Variants in TPGS2 observed in about 807,000 individuals in gnomAD.
TPGS2 encodes the protein polyglutamylase subunit 2.
In TPGS2, 26 loss-of-function variants were observed where a neutral mutation model predicts 31.1. The ratio of observed to expected loss-of-function variants is 0.84; its 90% CI spans 0.61 to 1.16. The LOEUF is 1.16. Among genes scored for constraint, TPGS2 ranks in the 50% most tolerant of loss-of-function variants. The probability of loss-of-function intolerance (pLI) is 0.00; values close to 1 mark genes in which losing one functional copy is unlikely to be tolerated. For synonymous variants in TPGS2, 130 were observed against 136.6 expected (o/e 0.95, Z 0.34); for missense variants, 351 against 363.8 (o/e 0.96, Z 0.29).
chr18:36,815,217 A>T (rs2150655389), intron 2 of TPGS2, among the ~76,000 whole-genome samples: 1 of 152,294 alleles, frequency 6.6e-6, no homozygotes, highest in South Asian at 2.1e-4. Flanking sequence ...GGGGTGGCTT[A>T]TCAAGCCTGC....
chr18:36,792,628 T>G (rs2044354284), downstream of TPGS2, among the ~76,000 whole-genome samples: 1 of 152,208 alleles, frequency 6.6e-6, no homozygotes, highest in Non-Finnish European at 1.5e-5. Flanking sequence ...TTAAAAATCT[T>G]GATGGCTGGA....
intron 1 of TPGS2, among the ~76,000 whole-genome samples, chr18:36,819,277 C>A (rs78925692): frequency 6.6e-6 from 1 of 152,156 alleles, no homozygotes; most frequent in African/African-American, 2.4e-5. Context: ...TGATTTCACA[C>A]AGAAATTCTC....
At chr18:36,820,343 T>C (rs904709253) in intron 1 of TPGS2, among the ~76,000 whole-genome samples, 2 of 152,228 alleles carry the variant, frequency 1.3e-5, no homozygotes, top group Non-Finnish European at 2.9e-5. Flanking sequence ...GTGATGCTAC[T>C]GCAGATGTGG....
At position 36,795,179 on chromosome 18, in the gene TPGS2, T is replaced by TTGTC. The variant is rs2044470526; in HGVS notation, c.*1622_*1625dup. On this transcript the variant is annotated 3_prime_UTR_variant, in exon 7 of 7. Transcript: ENST00000334295. Reference sequence around the variant, plus strand: ...GCTTTCTCATGAATATCTATCACTATTGTCAACAATCAAAATAAACATGTT... The same window carrying TTGTC: ...GCTTTCTCATGAATATCTATCACTATTGTCTGTCAACAATCAAAATAAACATGTT... 1.0e-5 allele frequency: 10 copies of TTGTC among 985,388 alleles called. No individual in the cohort carries two copies. In the South Asian group the frequency reaches 3.8e-4, roughly 37 times the overall value. 61.0% of individuals were successfully genotyped at this position (985,388 alleles called of 1,614,324 possible). A position where few individuals can be genotyped will look rare whatever the true frequency, so the allele number is the denominator to read the frequency against.
rs188435661 is a variant in TPGS2 at position 36,811,713 on chromosome 18, T to C, written c.166-3779A>G. On this transcript the variant is annotated intron_variant, in intron 2 of 6. Coordinates refer to ENST00000334295, the MANE Select transcript of TPGS2 (RefSeq NM_015476.4). ...CTTGTGGAAAAGAAGTTAGGCAACC[T>C]TGGGAAGGCTCGACACTCTTTCTGA... 2.2e-3 allele frequency among the ~76,000 whole-genome samples: 339 copies of C among 152,324 alleles called. 2 individuals are homozygous for C. Among genetic ancestry groups the C allele is most frequent in the Non-Finnish European group, 3.6e-3 (247 of 68,028 alleles).
chr18:36,790,095 T>C (rs2044256095), downstream of TPGS2: 1 of 152,236 alleles, frequency 6.6e-6, no homozygotes, highest in Admixed American at 6.5e-5. Context: ...CACTCTTCTC[T>C]CTTGACATAT....
Position 36,795,973 on chromosome 18 carries a change from G to A in TPGS2, c.*832C>T. 1 of 985,422 alleles carries A rather than the reference G, an allele frequency of 1.0e-6. No individual in the cohort carries two copies. Among genetic ancestry groups the A allele is most frequent in the Non-Finnish European group, 1.2e-6 (1 of 829,924 alleles). 61.0% of individuals were successfully genotyped at this position (985,422 alleles called of 1,614,324 possible). A position where few individuals can be genotyped will look rare whatever the true frequency, so the allele number is the denominator to read the frequency against. The stretch of plus-strand genomic sequence containing the variant: ...TAAATGGTAAGAATAAAGTATAGCA[G>A]AAGTACACCTTCTTTAAAAAGTTAA... On this transcript the variant is annotated 3_prime_UTR_variant, in exon 7 of 7. Transcript: ENST00000334295.
At position 36,794,238 on chromosome 18, in the gene TPGS2, T is replaced by C. The variant is rs988473374; in HGVS notation, c.*2567A>G. 5 of 975,210 alleles carry C rather than the reference T, an allele frequency of 5.1e-6. No homozygotes were observed. The highest frequency in any genetic ancestry group is 1.8e-5 in the African/African-American group (1 of 57,140). The allele number at this position is 975,210 out of a possible 1,614,324, so 60.4% of individuals were successfully genotyped here. A position where few individuals can be genotyped will look rare whatever the true frequency, so the allele number is the denominator to read the frequency against. On this transcript the variant is annotated 3_prime_UTR_variant, in exon 7 of 7. Coordinates refer to ENST00000334295, the MANE Select transcript of TPGS2 (RefSeq NM_015476.4). ...CATTTTAGTACCTGTAAAGGTAATGTTTTCCTGCTGTTTGCACAAAAGCCT... is the reference window on the plus strand; with the variant it reads ...CATTTTAGTACCTGTAAAGGTAATGCTTTCCTGCTGTTTGCACAAAAGCCT...
At chr18:36,825,063 T>C (rs187533212) in intron 1 of TPGS2, among the ~76,000 whole-genome samples, 8 of 152,196 alleles carry the variant, frequency 5.3e-5, no homozygotes, top group African/African-American at 1.4e-4. Flanking sequence ...TTTCATTATT[T>C]TACATGTGGA....
intron 1 of TPGS2, among the ~76,000 whole-genome samples, chr18:36,825,585 A>G (rs982126546): frequency 5.9e-5 from 9 of 152,354 alleles, no homozygotes; most frequent in African/African-American, 2.2e-4. Context: ...GTATTAAAAT[A>G]CACATAACAT....
chr18:36,815,350 T>C (rs1371687420), intron 2 of TPGS2, among the ~76,000 whole-genome samples: 1 of 152,182 alleles, frequency 6.6e-6, no homozygotes, highest in Non-Finnish European at 1.5e-5. Context: ...GAAAATAGCA[T>C]GTTGAGTATT....
chr18:36,780,688 CACTGACTGAAT>C (rs1291149342), downstream of TPGS2, among the ~76,000 whole-genome samples: 1 of 152,202 alleles, frequency 6.6e-6, no homozygotes, highest in Admixed American at 6.5e-5. Context: ...AAGAACATGT[CACTGACTGAAT>C]ACTGTAGGCA....
intron 2 of TPGS2, among the ~76,000 whole-genome samples, chr18:36,814,480 G>C (rs1185307647): frequency 1.3e-5 from 2 of 152,202 alleles, no homozygotes; most frequent in Middle Eastern, 3.2e-3. Context: ...GGTTTCGGTT[G>C]TCAATCTTTC....
At position 36,795,109 on chromosome 18, in the gene TPGS2, C is replaced by G; in HGVS notation, c.*1696G>C. 1.0e-6 allele frequency: 1 copy of G among 985,400 alleles called. No homozygotes were observed. Among genetic ancestry groups the G allele is most frequent in the Non-Finnish European group, 1.2e-6 (1 of 829,930 alleles). 61.0% of individuals were successfully genotyped at this position (985,400 alleles called of 1,614,324 possible). On this transcript the variant is annotated 3_prime_UTR_variant, in exon 7 of 7. Transcript: ENST00000334295. ...AAGGCTAACTCTTCACCTTGGTTTT[C>G]CTCAGGGGCTATGGAAAGTGGTAGG...
At chr18:36,822,378 A>C (rs1441181423) in intron 1 of TPGS2, among the ~76,000 whole-genome samples, 1 of 152,198 alleles carries the variant, frequency 6.6e-6, no homozygotes, top group Non-Finnish European at 1.5e-5. Flanking sequence ...CAGTGTAATA[A>C]ATTATACTTG....
At chr18:36,825,905 A>T (rs900010187) in intron 1 of TPGS2, among the ~76,000 whole-genome samples, 2 of 152,214 alleles carry the variant, frequency 1.3e-5, no homozygotes, top group African/African-American at 4.8e-5. Flanking sequence ...GATTTTAACA[A>T]TATTAACTCT....
intron 6 of TPGS2, among the ~76,000 whole-genome samples, chr18:36,787,619 C>T (rs2044170450): frequency 6.6e-6 from 1 of 152,174 alleles, no homozygotes; most frequent in Admixed American, 6.5e-5. Flanking sequence ...TTTATCCAGT[C>T]CCTGAAAAGA....
At chr18:36,800,164 A>C (rs766383413) in intron 5 of TPGS2, 34 bp downstream of exon 5, 87 of 1,598,838 alleles carry the variant, frequency 5.4e-5, no homozygotes, top group Non-Finnish European at 7.4e-5. Context: ...GACCCTAGCC[A>C]AACTACGGGA....
chr18:36,797,107 G>A lies in TPGS2; in HGVS notation c.658-57C>T, dbSNP rs527610038. Reference sequence around the variant, plus strand: ...ATTCAAAGGAAAAATGCCATTCTGTGTGCTCTTTTTGTGGGATGCAGGAGA... The same window carrying A: ...ATTCAAAGGAAAAATGCCATTCTGTATGCTCTTTTTGTGGGATGCAGGAGA... On this transcript the variant is annotated intron_variant, in intron 6 of 6. Transcript: ENST00000334295. 19 of 1,585,298 alleles carry A rather than the reference G, an allele frequency of 1.2e-5. No individual in the cohort carries two copies. In the African/African-American group the frequency reaches 2.3e-4, roughly 19 times the overall value.
Sources: gnomAD v4.1 joint callset for allele counts (sites outside exome capture counted in the v4.1 genomes callset) on GRCh38, gnomAD v4.1.1 for gene constraint, MANE v1.5 for transcripts, NCBI Gene and HGNC (gene_info 2026-07-23, HGNC 2026-07-21) for gene names.